The following PEMT variants were observed in gnomAD, a reference collection of about 807,000 sequenced individuals.
The protein encoded by PEMT is phosphatidylethanolamine N-methyltransferase.
In PEMT, 23 loss-of-function variants were observed where a neutral mutation model predicts 27.4. The observed-to-expected ratio is 0.84, with a 90% confidence interval of 0.60 to 1.19. PEMT has a LOEUF of 1.19. Among genes scored for constraint, PEMT ranks in the 50% most tolerant of loss-of-function variants. The pLI is 0.00. For missense variants in PEMT, 307 were observed against 310.1 expected (o/e 0.99, Z 0.07); for synonymous variants, 137 against 139.1 (o/e 0.98, Z 0.11).
intron 1 of PEMT, among the ~76,000 whole-genome samples, chr17:17,589,599 C>A (rs986568368): frequency 6.6e-6 from 1 of 152,256 alleles, no homozygotes. Flanking sequence ...AGCACAGCAG[C>A]ACAGGGCTAG....
intron 4 of PEMT, among the ~76,000 whole-genome samples, chr17:17,511,920 A>G (rs538662514): frequency 6.6e-6 from 1 of 151,728 alleles, no homozygotes; most frequent in Admixed American, 6.6e-5. Flanking sequence ...GCGTCTAGCC[A>G]GGCCAGCACT....
intron 2 of PEMT, among the ~76,000 whole-genome samples, chr17:17,526,991 A>G (rs1301497192): frequency 6.6e-6 from 1 of 152,014 alleles, no homozygotes; most frequent in African/African-American, 2.4e-5. Flanking sequence ...GGTCTCTCAA[A>G]TTTCCTACGC....
At chr17:17,516,808 A>G (rs1435769733) in intron 3 of PEMT, among the ~76,000 whole-genome samples, 1 of 152,056 alleles carries the variant, frequency 6.6e-6, no homozygotes. Flanking sequence ...TGCCCAGGAA[A>G]GCCTATGCCA....
upstream of PEMT, chr17:17,591,926 G>A: frequency 6.1e-6 from 6 of 985,452 alleles, no homozygotes; most frequent in Middle Eastern, 5.2e-4. Flanking sequence ...CCCGCCCAGT[G>A]CCTTTGGTCG....
At chr17:17,548,834 C>T (rs893630769) in intron 2 of PEMT, among the ~76,000 whole-genome samples, 15 of 152,236 alleles carry the variant, frequency 9.9e-5, no homozygotes, top group South Asian at 2.1e-4. Flanking sequence ...CGTGAGCCGC[C>T]GAGTCCGGCC....
intron 4 of PEMT, among the ~76,000 whole-genome samples, chr17:17,510,695 C>T (rs562974397): frequency 2.2e-4 from 34 of 152,362 alleles, no homozygotes; most frequent in Non-Finnish European, 4.4e-4. Flanking sequence ...TGTCTGCTGG[C>T]AGGGCCGCCA....
At position 17,582,691 on chromosome 17, in the gene PEMT, T is replaced by C. The variant is rs1045792652; in HGVS notation, c.97-5664A>G. On this transcript the variant is annotated intron_variant, in intron 1 of 6. Coordinates refer to ENST00000255389, the MANE Select transcript of PEMT (RefSeq NM_148172.3). This position sits in a 1 kb window ranked among gnomAD's most constrained non-coding sequence, Gnocchi z 4.9. Reference sequence around the variant, plus strand: ...CATAAGCTGACTCGGGTAACGTTTATTTAGGGCAACTTTGGGTTAGAGCCC... The same window carrying C: ...CATAAGCTGACTCGGGTAACGTTTACTTAGGGCAACTTTGGGTTAGAGCCC... Among the ~76,000 whole-genome samples the C allele has an allele frequency of 7.9e-5, 12 of 152,216 alleles. No homozygotes were observed. Among genetic ancestry groups the C allele is most frequent in the Non-Finnish European group, 1.3e-4 (9 of 68,034 alleles).
intron 2 of PEMT, among the ~76,000 whole-genome samples, chr17:17,576,677 G>A (rs564922798): frequency 6.6e-6 from 1 of 152,304 alleles, no homozygotes; most frequent in East Asian, 1.9e-4. Flanking sequence ...GGGTAGGAGG[G>A]CCACCCCTAC....
intron 2 of PEMT, among the ~76,000 whole-genome samples, chr17:17,528,629 G>A (rs558218512): frequency 2.6e-5 from 4 of 152,276 alleles, no homozygotes; most frequent in Non-Finnish European, 5.9e-5. Context: ...AGACGTCCCC[G>A]GGGCAGCAGG....
chr17:17,531,110 C>G (rs1597896568), intron 2 of PEMT, among the ~76,000 whole-genome samples: 3 of 151,598 alleles, frequency 2.0e-5, no homozygotes, highest in Admixed American at 6.6e-5. Context: ...AGCATTCAAA[C>G]TGTGGTCTCC....
At chr17:17,547,963 A>T (rs186032535) in intron 2 of PEMT, among the ~76,000 whole-genome samples, 2 of 152,334 alleles carry the variant, frequency 1.3e-5, no homozygotes, top group Non-Finnish European at 2.9e-5. Flanking sequence ...ATTGGAAAAC[A>T]CAGAGAACGT....
rs369411717 is a variant in PEMT at position 17,506,075 on chromosome 17, G to T, written c.653+152C>A. ...CTGGGTCCTGCAGGCCGCATTGTAA[G>T]CTACCATGGCCGCTCTGACCTGGGA... On this transcript the variant is annotated intron_variant, in intron 6 of 6. Transcript: ENST00000255389. The T allele has an allele frequency of 7.2e-6, 7 of 967,430 alleles. No homozygotes were observed. In the African/African-American group the frequency reaches 1.2e-4, roughly 16 times the overall value. The allele number at this position is 967,430 out of a possible 1,614,324, so 59.9% of individuals were successfully genotyped here. A position where few individuals can be genotyped will look rare whatever the true frequency, so the allele number is the denominator to read the frequency against.
chr17:17,549,716 C>T (rs2142638303), intron 2 of PEMT, among the ~76,000 whole-genome samples: 1 of 152,386 alleles, frequency 6.6e-6, no homozygotes. Context: ...CTCCCTGAGG[C>T]TAATACCTCA....
intron 2 of PEMT, among the ~76,000 whole-genome samples, chr17:17,553,490 A>G (rs1444852077): frequency 6.6e-6 from 1 of 152,194 alleles, no homozygotes; most frequent in Admixed American, 6.5e-5. Flanking sequence ...TTGTGGTGCC[A>G]CTGTCCCAGA....
intron 2 of PEMT, among the ~76,000 whole-genome samples, chr17:17,533,516 G>C (rs1284409054): frequency 6.6e-6 from 1 of 152,200 alleles, no homozygotes; most frequent in Admixed American, 6.5e-5. Flanking sequence ...TACTTCAAAT[G>C]ATTCTATCAT....
chr17:17,554,766 C>T (rs1296459944), intron 2 of PEMT, among the ~76,000 whole-genome samples: 2 of 152,094 alleles, frequency 1.3e-5, no homozygotes, highest in Non-Finnish European at 2.9e-5. Context: ...CAGGTGCCCG[C>T]CACCACTCCT....
intron 3 of PEMT, 39 bp downstream of exon 3, chr17:17,522,241 C>T (rs1645024830): frequency 1.4e-6 from 2 of 1,471,572 alleles, no homozygotes; most frequent in Non-Finnish European, 1.9e-6. Context: ...TCCCGCTAGC[C>T]CAGGGGTTGT....
intron 2 of PEMT, among the ~76,000 whole-genome samples, chr17:17,558,977 C>T (rs116482818): frequency 1.4e-3 from 211 of 152,304 alleles, no homozygotes; most frequent in African/African-American, 4.8e-3. Flanking sequence ...CAAAATGCAT[C>T]CCATCCCAAC....
chr17:17,533,526 T>C (rs1448098846), intron 2 of PEMT, among the ~76,000 whole-genome samples: 4 of 152,232 alleles, frequency 2.6e-5, no homozygotes, highest in Non-Finnish European at 4.4e-5. Flanking sequence ...GATTCTATCA[T>C]GAAAATACAA....
Sources: allele counts gnomAD v4.1 joint callset (sites outside exome capture counted in the v4.1 genomes callset), GRCh38; gene constraint gnomAD v4.1.1; non-coding constraint Gnocchi (gnomAD v3.1); transcripts MANE v1.5; gene names NCBI Gene and HGNC (gene_info 2026-07-23, HGNC 2026-07-21).